The following PDE8A variants were observed in gnomAD, a reference collection of about 807,000 sequenced individuals.
PDE8A encodes the protein high affinity cAMP-specific and IBMX-insensitive 3',5'-cyclic phosphodiesterase 8A.
In PDE8A, 59 loss-of-function variants were observed where a neutral mutation model predicts 105.0. The ratio of observed to expected loss-of-function variants is 0.56; its 90% CI spans 0.46 to 0.70. The LOEUF (loss-of-function observed/expected upper bound fraction) is 0.70, where lower values mean the gene tolerates loss of function less well. Ranked by LOEUF, PDE8A falls within the 30% of genes least tolerant of loss-of-function variation. PDE8A has a pLI of 0.00. For missense variants in PDE8A, 1,014 were observed against 1,045.9 expected (o/e 0.97, Z 0.42); for synonymous variants, 355 against 371.9 (o/e 0.95, Z 0.52).
intron 1 of PDE8A, among the ~76,000 whole-genome samples, chr15:85,024,570 C>G (rs1436245449): frequency 1.3e-5 from 2 of 151,650 alleles, no homozygotes; most frequent in Non-Finnish European, 2.9e-5. Context: ...TTTTCACCCT[C>G]TATTACTCCT....
At chr15:85,028,154 A>G (rs998137745) in intron 1 of PDE8A, among the ~76,000 whole-genome samples, 4 of 152,154 alleles carry the variant, frequency 2.6e-5, no homozygotes, top group African/African-American at 9.7e-5. Flanking sequence ...CAATGTTATG[A>G]TTTTCCTTAG....
At chr15:85,117,949 C>A in intron 17 of PDE8A, 110 bp downstream of exon 17, 1 of 888,202 alleles carries the variant, frequency 1.1e-6, no homozygotes, top group Non-Finnish European at 1.9e-6. Flanking sequence ...TGCAGCCTGG[C>A]ACAGGAAGGG....
At chr15:85,113,077 C>T (rs2082042639) in intron 12 of PDE8A, among the ~76,000 whole-genome samples, 1 of 152,142 alleles carries the variant, frequency 6.6e-6, no homozygotes, top group African/African-American at 2.4e-5. Context: ...GGCTTATTGT[C>T]ATAGACACAA....
At chr15:85,100,510 TTATC>T (rs2081844046) in intron 11 of PDE8A, among the ~76,000 whole-genome samples, 1 of 152,226 alleles carries the variant, frequency 6.6e-6, no homozygotes, top group African/African-American at 2.4e-5. Flanking sequence ...GGTTGAGTGT[TTATC>T]CCACAGTCCT....
intron 9 of PDE8A, among the ~76,000 whole-genome samples, chr15:85,098,581 GAA>G (rs1420557677): frequency 6.6e-6 from 1 of 152,098 alleles, no homozygotes; most frequent in African/African-American, 2.4e-5. Context: ...TTATGAATAT[GAA>G]TTATAGAACA....
At chr15:85,046,884 TCA>T (rs1222992658) in intron 1 of PDE8A, among the ~76,000 whole-genome samples, 2 of 152,246 alleles carry the variant, frequency 1.3e-5, no homozygotes, top group Non-Finnish European at 2.9e-5. Context: ...ATAATTTGTT[TCA>T]TATATCTGTA....
intron 1 of PDE8A, among the ~76,000 whole-genome samples, chr15:85,053,107 G>A (rs2081002799): frequency 6.6e-6 from 1 of 152,066 alleles, no homozygotes; most frequent in Non-Finnish European, 1.5e-5. Context: ...TTTTTGTCAG[G>A]TTTGTCAAAG....
intron 1 of PDE8A, among the ~76,000 whole-genome samples, chr15:85,051,566 C>T (rs992270509): frequency 9.9e-5 from 15 of 152,072 alleles, no homozygotes; most frequent in Non-Finnish European, 1.2e-4. Context: ...CAGATCAACC[C>T]ATCACCCAGG....
intron 3 of PDE8A, among the ~76,000 whole-genome samples, chr15:85,067,789 C>G (rs1295770310): frequency 2.0e-5 from 3 of 152,090 alleles, no homozygotes; most frequent in African/African-American, 7.2e-5. Flanking sequence ...GGGTTAAAAA[C>G]CGAGGTGACA....
At chr15:84,981,739 C>G (rs1358621034), upstream of PDE8A, among the ~76,000 whole-genome samples, 1 of 151,132 alleles carries the variant, frequency 6.6e-6, no homozygotes, top group East Asian at 1.9e-4. Context: ...GCCGGGAGCT[C>G]GCCTCCCCCG....
At chr15:85,135,797 C>T (rs757270505) in intron 20 of PDE8A, among the ~76,000 whole-genome samples, 14 of 152,076 alleles carry the variant, frequency 9.2e-5, no homozygotes, top group Non-Finnish European at 1.5e-4. Flanking sequence ...TAGTTTTTTG[C>T]GAGTCTCTCT....
rs1007174647 is a variant in PDE8A, at chr15:85,040,896, A to G, written c.187-23474A>G. On this transcript the variant is annotated intron_variant, in intron 1 of 21. Coordinates refer to ENST00000394553, the MANE Select transcript of PDE8A (RefSeq NM_002605.3). Reference sequence around the variant, plus strand: ...TTTTAATTTATGTAAATGGTATTGTATTGTAGATCTCATTGTCTTTATTTT... The same window carrying G: ...TTTTAATTTATGTAAATGGTATTGTGTTGTAGATCTCATTGTCTTTATTTT... 2.0e-5 allele frequency among the ~76,000 whole-genome samples: 3 copies of G among 152,160 alleles called. No individual in the cohort carries two copies. In the South Asian group the frequency reaches 6.2e-4, roughly 32 times the overall value.
chr15:85,075,142 A>G (rs2081363653), intron 3 of PDE8A, among the ~76,000 whole-genome samples: 1 of 152,104 alleles, frequency 6.6e-6, no homozygotes, highest in African/African-American at 2.4e-5. Context: ...TTCTGCTCTG[A>G]TATTTTGGCT....
Position 85,026,371 on chromosome 15 carries a change from C to G in PDE8A, c.187-37999C>G, listed in dbSNP as rs111659600. Among the ~76,000 whole-genome samples the G allele has an allele frequency of 3.3e-3, 496 of 152,158 alleles. 3 individuals are homozygous for G. The highest frequency in any genetic ancestry group is 0.012 in the African/African-American group (482 of 41,482). ...AGTGGAATCAGCTGGGACCAATGAC[C>G]AGAACACCTACATGTAGACTCTCCA... On this transcript the variant is annotated intron_variant, in intron 1 of 21. Transcript: ENST00000394553.
rs2082458384 is a variant in PDE8A at position 85,138,911 on chromosome 15, A to AAAT, written c.*1009_*1011dup. ...TATTCCTTATAAAAACAAAGAACAA[A>AAAT]AATTGAATATTTAATGAATTGACAT... is the stretch of plus-strand genomic sequence containing the variant. On this transcript the variant is annotated 3_prime_UTR_variant, in exon 22 of 22. Transcript: ENST00000394553. The AAAT allele has an allele frequency of 6.6e-6, 1 of 152,192 alleles. No homozygotes were observed. The highest frequency in any genetic ancestry group is 2.1e-4 in the South Asian group (1 of 4,826). 9.4% of individuals were successfully genotyped at this position (152,192 alleles called of 1,614,324 possible). A position where few individuals can be genotyped will look rare whatever the true frequency, so the allele number is the denominator to read the frequency against.
intron 19 of PDE8A, among the ~76,000 whole-genome samples, chr15:85,124,893 G>A (rs1349934386): frequency 6.6e-6 from 1 of 152,160 alleles, no homozygotes; most frequent in Non-Finnish European, 1.5e-5. Context: ...TGAGTTCTCT[G>A]CTCCACTTAA....
At chr15:85,108,642 T>A (rs2081979265) in intron 11 of PDE8A, among the ~76,000 whole-genome samples, 1 of 152,226 alleles carries the variant, frequency 6.6e-6, no homozygotes, top group Admixed American at 6.5e-5. Context: ...ATGTTTTCCC[T>A]GGGATATTGT....
chr15:85,019,450 C>T lies in PDE8A; in HGVS notation c.186+37102C>T, dbSNP rs138605677. 3.2e-3 allele frequency among the ~76,000 whole-genome samples: 491 copies of T among 152,230 alleles called. 2 individuals carry two copies. The highest frequency in any genetic ancestry group is 0.011 in the African/African-American group (477 of 41,548). On this transcript the variant is annotated intron_variant, in intron 1 of 21. Coordinates refer to ENST00000394553, the MANE Select transcript of PDE8A (RefSeq NM_002605.3). ...ATTTTATTTTAAAGAAATGGGGTCTCGCTGTGTTGCCCAGGCTGGACTAGA... is the reference window on the plus strand; with the variant it reads ...ATTTTATTTTAAAGAAATGGGGTCTTGCTGTGTTGCCCAGGCTGGACTAGA...
At chr15:85,086,573 A>G (rs962842778) in intron 6 of PDE8A, among the ~76,000 whole-genome samples, 1 of 152,176 alleles carries the variant, frequency 6.6e-6, no homozygotes, top group African/African-American at 2.4e-5. Context: ...AAATGTGAAA[A>G]GATGTTCAAC....
Sources: gnomAD v4.1 joint callset for allele counts (sites outside exome capture counted in the v4.1 genomes callset) on GRCh38, gnomAD v4.1.1 for gene constraint, MANE v1.5 for transcripts, NCBI Gene and HGNC (gene_info 2026-07-23, HGNC 2026-07-21) for gene names.